FAF1: variants seen among roughly 807,000 people sequenced by gnomAD.
FAF1 encodes the protein Fas associated factor 1.
FAF1 carries 25 observed loss-of-function variants against 92.5 expected under a neutral mutation model. The ratio of observed to expected loss-of-function variants is 0.27; its 90% CI spans 0.20 to 0.38. The LOEUF (loss-of-function observed/expected upper bound fraction) is 0.38. Among genes scored for constraint, FAF1 ranks in the 10% least tolerant of loss-of-function variants. FAF1 has a pLI of 1.00. For synonymous variants in FAF1, 234 were observed against 273.2 expected, an observed-to-expected ratio of 0.86 and a Z score of 1.42; for missense variants, 636 against 793.3, an observed-to-expected ratio of 0.80 and a Z score of 2.38.
chr1:50,944,448 GCT>G (rs1201594575), intron 1 of FAF1, among the ~76,000 whole-genome samples: 1 of 152,166 alleles, frequency 6.6e-6, no homozygotes, highest in Non-Finnish European at 1.5e-5. Context: ...CAGGATTGCT[GCT>G]CTCTGTCCAT....
intron 17 of FAF1, among the ~76,000 whole-genome samples, chr1:50,478,827 T>C (rs2149001037): frequency 6.6e-6 from 1 of 152,352 alleles, no homozygotes; most frequent in Admixed American, 6.5e-5. Flanking sequence ...TAAAGCTTTA[T>C]CCTTTCTGTT....
At chr1:50,760,365 C>A (rs924318883) in intron 4 of FAF1, among the ~76,000 whole-genome samples, 5 of 152,120 alleles carry the variant, frequency 3.3e-5, no homozygotes, top group Admixed American at 6.5e-5. Flanking sequence ...ACTCTCCACC[C>A]CAAATCAACA....
intron 15 of FAF1, among the ~76,000 whole-genome samples, chr1:50,499,020 C>T (rs1646944860): frequency 6.6e-6 from 1 of 152,034 alleles, no homozygotes; most frequent in South Asian, 2.1e-4. Flanking sequence ...TGGTATATAC[C>T]TACAGTGGAA....
At chr1:50,775,503 G>A (rs1660925142) in intron 4 of FAF1, among the ~76,000 whole-genome samples, 1 of 152,096 alleles carries the variant, frequency 6.6e-6, no homozygotes. Context: ...TCATAGAAGA[G>A]GAAATATTTA....
intron 2 of FAF1, among the ~76,000 whole-genome samples, chr1:50,846,209 A>C (rs1403010455): frequency 6.6e-6 from 1 of 152,046 alleles, no homozygotes; most frequent in Non-Finnish European, 1.5e-5. Context: ...TATGCTACAT[A>C]CGATGTACAG....
At chr1:50,959,614 T>G in intron 1 of FAF1, 153 bp downstream of exon 1, 1 of 510,302 alleles carries the variant, frequency 2.0e-6, no homozygotes, top group Non-Finnish European at 3.6e-6. Context: ...CGCTTCTCCA[T>G]AGCTCGCCAC....
chr1:50,723,410 A>AT (rs1240612395), intron 6 of FAF1, among the ~76,000 whole-genome samples: 3 of 152,092 alleles, frequency 2.0e-5, no homozygotes, highest in African/African-American at 7.2e-5. Context: ...AAAAAAAAAA[A>AT]AAAATAAGTA....
intron 9 of FAF1, among the ~76,000 whole-genome samples, chr1:50,595,589 C>T (rs1322658993): frequency 6.6e-6 from 1 of 152,128 alleles, no homozygotes; most frequent in South Asian, 2.1e-4. Flanking sequence ...GTTGCTTAGG[C>T]TGGAGTGCAG....
chr1:50,452,434 T>C (rs890044495), intron 18 of FAF1, among the ~76,000 whole-genome samples: 3 of 152,192 alleles, frequency 2.0e-5, no homozygotes, highest in Non-Finnish European at 4.4e-5. Flanking sequence ...GGGTTGCTTC[T>C]GACTCTGAGC....
intron 7 of FAF1, among the ~76,000 whole-genome samples, chr1:50,699,072 G>C (rs1437914310): frequency 6.6e-6 from 1 of 151,884 alleles, no homozygotes; most frequent in Non-Finnish European, 1.5e-5. Context: ...TTTGATAATA[G>C]CTATAATTAA....
chr1:50,675,613 A>G (rs947942114), intron 7 of FAF1, among the ~76,000 whole-genome samples: 2 of 152,216 alleles, frequency 1.3e-5, no homozygotes, highest in Admixed American at 1.3e-4. Flanking sequence ...AAACCTCCTA[A>G]CTTTTAAATG....
chr1:50,543,687 C>T (rs1462911848), intron 13 of FAF1, among the ~76,000 whole-genome samples: 1 of 151,286 alleles, frequency 6.6e-6, no homozygotes, highest in African/African-American at 2.4e-5. Flanking sequence ...CAGGCCAGCT[C>T]TATGAGACTT....
chr1:50,890,010 G>A (rs563689849), intron 1 of FAF1, among the ~76,000 whole-genome samples: 1 of 152,306 alleles, frequency 6.6e-6, no homozygotes, highest in South Asian at 2.1e-4. Context: ...AAGTCTCTTT[G>A]TAGGTCTCTA....
At chr1:50,640,249 T>C (rs1206909064) in intron 8 of FAF1, among the ~76,000 whole-genome samples, 1 of 151,892 alleles carries the variant, frequency 6.6e-6, no homozygotes, top group African/African-American at 2.4e-5. Flanking sequence ...TATCTGGTAG[T>C]GTTTGGCAAT....
chr1:50,784,739 G>C (rs1661300569), intron 4 of FAF1, among the ~76,000 whole-genome samples: 1 of 152,110 alleles, frequency 6.6e-6, no homozygotes, highest in Non-Finnish European at 1.5e-5. Flanking sequence ...TGAGAAAGAA[G>C]AACAAAGCTG....
chr1:50,826,610 T>C (rs1003718679), intron 2 of FAF1, among the ~76,000 whole-genome samples: 2 of 150,250 alleles, frequency 1.3e-5, no homozygotes, highest in African/African-American at 4.9e-5. Context: ...CCCTTGGCCA[T>C]AGTCAAGAAA....
chr1:50,908,005 A>AT (rs1296273106), intron 1 of FAF1, among the ~76,000 whole-genome samples: 3 of 152,114 alleles, frequency 2.0e-5, no homozygotes, highest in East Asian at 1.9e-4. Flanking sequence ...TCTTGTGGGC[A>AT]TTTAGTGCTA....
intron 4 of FAF1, among the ~76,000 whole-genome samples, chr1:50,748,281 A>T (rs1389417767): frequency 3.9e-5 from 6 of 152,198 alleles, no homozygotes; most frequent in African/African-American, 1.4e-4. Context: ...AGATCAACTG[A>T]GGTCAGGAGT....
chr1:50,492,602 C>G (rs1329222283), intron 15 of FAF1, among the ~76,000 whole-genome samples: 1 of 152,094 alleles, frequency 6.6e-6, no homozygotes, highest in Non-Finnish European at 1.5e-5. Context: ...AATAAATACC[C>G]ACACCTGTCT....
Sources: gnomAD v4.1 joint callset for allele counts (sites outside exome capture counted in the v4.1 genomes callset) on GRCh38, gnomAD v4.1.1 for gene constraint, MANE v1.5 for transcripts, NCBI Gene and HGNC (gene_info 2026-07-23, HGNC 2026-07-21) for gene names.